Variants in MAGI2 observed in about 807,000 individuals in gnomAD.
The protein encoded by MAGI2 is membrane associated guanylate kinase, WW and PDZ domain containing 2.
Under a neutral mutation model 133.3 loss-of-function variants are expected in MAGI2, and 35 were observed. The ratio of observed to expected loss-of-function variants is 0.26; its 90% CI spans 0.20 to 0.35. The LOEUF (loss-of-function observed/expected upper bound fraction) is 0.35, where lower values mean the gene tolerates loss of function less well. MAGI2 is among the 10% of genes least tolerant of loss of function. The pLI is 1.00. For missense variants in MAGI2, 1,636 were observed against 1,863.4 expected, an observed-to-expected ratio of 0.88 and a Z score of 2.25; for synonymous variants, 729 against 710.6, an observed-to-expected ratio of 1.03 and a Z score of -0.41.
chr7:78,719,862 T>C (rs1820094505), intron 2 of MAGI2, among the ~76,000 whole-genome samples: 1 of 152,180 alleles, frequency 6.6e-6, no homozygotes, highest in Admixed American at 6.6e-5. Context: ...TTGAAATAAG[T>C]AAAAAGTTTA....
rs550652355 is a variant in MAGI2 at position 79,070,587 on chromosome 7, G to T, written c.302-63381C>A. On this transcript the variant is annotated intron_variant, in intron 1 of 21. Coordinates refer to ENST00000354212, the MANE Select transcript of MAGI2 (RefSeq NM_012301.4). ...GCTCACTGCAAGCTCCACCTCCCGG[G>T]TTTACACCATTCTCTTGCATCAGCC... Among the ~76,000 whole-genome samples the T allele has an allele frequency of 2.6e-4, 39 of 151,944 alleles. No individual in the cohort carries two copies. The East Asian group carries it at 4.1e-3, about 16-fold the overall frequency.
At chr7:79,050,589 C>T (rs1346757120) in intron 1 of MAGI2, among the ~76,000 whole-genome samples, 1 of 152,092 alleles carries the variant, frequency 6.6e-6, no homozygotes, top group Non-Finnish European at 1.5e-5. Context: ...GATATGTTGC[C>T]AAGACTGGTC....
In MAGI2 at chr7:79,007,098, G is replaced by A. The variant is rs1483679514; in HGVS notation, c.410C>T (p.Thr137Met). The A allele has an allele frequency of 2.5e-6, 4 of 1,607,294 alleles. No individual in the cohort carries two copies. Among genetic ancestry groups the A allele is most frequent in the Non-Finnish European group, 2.6e-6 (3 of 1,175,780 alleles). ...QIIRDNLYLR[T>M]VPCTTRPHKE... Reference sequence around the variant, plus strand: ...CTGCCCATTGTACTCACATGGCACCGTGCGGAGGTAGAGGTTGTCACGAAT... The same window carrying A: ...CTGCCCATTGTACTCACATGGCACCATGCGGAGGTAGAGGTTGTCACGAAT... Residue 137 changes from threonine to methionine, a missense_variant, in exon 2 of 22, where the codon ACG (threonine) becomes ATG (methionine). Physicochemically the swap from Thr to Met is moderately conservative, Grantham distance 81 (BLOSUM62 -1). Around this residue, in one of 5 missense-constraint regions of MAGI2, gnomAD observed 148 missense variants for 239.0 expected, o/e 0.62. Transcript: ENST00000354212.
At chr7:79,168,622 T>TTAAA (rs1825179155) in intron 1 of MAGI2, among the ~76,000 whole-genome samples, 1 of 152,040 alleles carries the variant, frequency 6.6e-6, no homozygotes, top group Non-Finnish European at 1.5e-5. Context: ...CTTTGACCTG[T>TTAAA]TAAACAGTGT....
chr7:79,170,527 G>T (rs1025212284), intron 1 of MAGI2, among the ~76,000 whole-genome samples: 1 of 151,988 alleles, frequency 6.6e-6, no homozygotes, highest in South Asian at 2.1e-4. Context: ...ATTTTATAGA[G>T]ACTATTGTTA....
intron 10 of MAGI2, chr7:78,253,406 A>T (rs897178803): frequency 6.6e-6 from 1 of 152,252 alleles, no homozygotes; most frequent in Admixed American, 6.5e-5. Flanking sequence ...ATTCGGGATG[A>T]TGGATGTTCT....
chr7:78,462,511 A>G (rs547902237), intron 6 of MAGI2, among the ~76,000 whole-genome samples: 10 of 152,212 alleles, frequency 6.6e-5, no homozygotes, highest in Non-Finnish European at 1.5e-4. Context: ...TTGAAAATCT[A>G]TTGCCATATC....
Position 78,341,700 on chromosome 7 carries a change from G to A in MAGI2, c.1408+2078C>T, listed in dbSNP as rs182411857. 3.9e-5 allele frequency among the ~76,000 whole-genome samples: 6 copies of A among 152,268 alleles called. No individual in the cohort carries two copies. The East Asian group carries it at 1.2e-3, about 29-fold the overall frequency. ...TCTTTGACAAACCTGAAGAAAACAAGCAATGGGGAAAGAATTCCCTATTTA... is the reference window on the plus strand; with the variant it reads ...TCTTTGACAAACCTGAAGAAAACAAACAATGGGGAAAGAATTCCCTATTTA... On this transcript the variant is annotated intron_variant, in intron 9 of 21. Transcript: ENST00000354212.
chr7:78,425,487 A>T (rs1799197161), intron 6 of MAGI2, among the ~76,000 whole-genome samples: 1 of 152,216 alleles, frequency 6.6e-6, no homozygotes, highest in Non-Finnish European at 1.5e-5. Context: ...CACAGAGATT[A>T]TACATGGTAG....
At chr7:78,935,056 G>C (rs184903960) in intron 2 of MAGI2, among the ~76,000 whole-genome samples, 1 of 152,058 alleles carries the variant, frequency 6.6e-6, no homozygotes, top group Non-Finnish European at 1.5e-5. Flanking sequence ...ACCATAATGA[G>C]TAAATAATTA....
intron 2 of MAGI2, among the ~76,000 whole-genome samples, chr7:78,708,970 G>T (rs2151170385): frequency 6.6e-6 from 1 of 151,888 alleles, no homozygotes; most frequent in African/African-American, 2.4e-5. Flanking sequence ...CTTCCAATCT[G>T]TCTCCTTCTC....
chr7:79,313,148 C>T (rs964113204), intron 1 of MAGI2, among the ~76,000 whole-genome samples: 4 of 151,978 alleles, frequency 2.6e-5, no homozygotes. Flanking sequence ...ATATTTGGGG[C>T]TTATCAGGAC....
chr7:78,098,053 T>A (rs180899984), intron 20 of MAGI2, among the ~76,000 whole-genome samples: 1 of 152,248 alleles, frequency 6.6e-6, no homozygotes, highest in East Asian at 1.9e-4. Context: ...TTTAAAAATA[T>A]TACAGAGTTG....
chr7:78,244,185 AAAAAAAAAG>A (rs1479181841), intron 10 of MAGI2, among the ~76,000 whole-genome samples: 313 of 149,360 alleles, frequency 2.1e-3, no homozygotes, highest in African/African-American at 7.3e-3. Context: ...AAAAAAAAAA[AAAAAAAAAG>A]AAAAAGAAAT....
At chr7:78,676,879 G>A (rs946285263) in intron 2 of MAGI2, among the ~76,000 whole-genome samples, 5 of 151,838 alleles carry the variant, frequency 3.3e-5, no homozygotes, top group African/African-American at 7.3e-5. Flanking sequence ...AATACATTGA[G>A]GCATTTTCTT....
intron 10 of MAGI2, among the ~76,000 whole-genome samples, chr7:78,210,440 G>C (rs1249180845): frequency 6.6e-6 from 1 of 152,206 alleles, no homozygotes; most frequent in Non-Finnish European, 1.5e-5. Flanking sequence ...GGGAACTTGA[G>C]TGTATGATGG....
At chr7:78,767,981 T>A (rs1307054064) in intron 2 of MAGI2, among the ~76,000 whole-genome samples, 2 of 152,220 alleles carry the variant, frequency 1.3e-5, no homozygotes, top group Non-Finnish European at 2.9e-5. Flanking sequence ...CATTTCTCCC[T>A]TGATGGTTTC....
rs186763134 is a variant in MAGI2 at position 78,406,246 on chromosome 7, C to T, written c.1046-37033G>A. On this transcript the variant is annotated intron_variant, in intron 6 of 21. Transcript: ENST00000354212. Reference sequence around the variant, plus strand: ...TCCATGACCTGTCCTCCGTCTTTTCCATGCCTCCAACTCTATTCTAACACA... The same window carrying T: ...TCCATGACCTGTCCTCCGTCTTTTCTATGCCTCCAACTCTATTCTAACACA... 2.0e-5 allele frequency among the ~76,000 whole-genome samples: 3 copies of T among 152,076 alleles called. No individual in the cohort carries two copies. The East Asian group carries it at 5.8e-4, about 29-fold the overall frequency.
intron 2 of MAGI2, among the ~76,000 whole-genome samples, chr7:78,685,050 G>A (rs321968): frequency 0.12 from 18,939 of 152,162 alleles, 1,742 homozygotes; most frequent in East Asian, 0.4. Flanking sequence ...AACACATAAA[G>A]TATTTTATTT....
Sources: allele counts gnomAD v4.1 joint callset (sites outside exome capture counted in the v4.1 genomes callset), GRCh38; gene constraint gnomAD v4.1.1; regional missense constraint gnomAD v4.1.1; transcripts MANE v1.5; gene names NCBI Gene and HGNC (gene_info 2026-07-23, HGNC 2026-07-21).